CFAP69: variants seen among roughly 807,000 people sequenced by gnomAD.
CFAP69 encodes cilia and flagella associated protein 69.
In CFAP69, 92 loss-of-function variants were observed where a neutral mutation model predicts 123.0. The observed-to-expected ratio is 0.75, with a 90% CI of 0.63 to 0.89. The LOEUF (loss-of-function observed/expected upper bound fraction) is 0.89. CFAP69 is among the 40% of genes least tolerant of loss of function. The probability of loss-of-function intolerance (pLI) is 0.00; values close to 1 mark genes in which losing one functional copy is unlikely to be tolerated. For missense variants in CFAP69, 1,067 were observed against 1,096.9 expected, an observed-to-expected ratio of 0.97 and a Z score of 0.39; for synonymous variants, 380 against 364.3, an observed-to-expected ratio of 1.04 and a Z score of -0.49.
chr7:90,264,233 G>A (rs1303872380), intron 4 of CFAP69, among the ~76,000 whole-genome samples: 1 of 147,740 alleles, frequency 6.8e-6, no homozygotes, highest in East Asian at 2.0e-4. Context: ...GAAATGTCAA[G>A]ATAGTTTATA....
At chr7:90,319,827 A>G in the CFAP69 span, 4 of 397,654 alleles carry the variant, frequency 1.0e-5, no homozygotes, top group African/African-American at 2.1e-5. Context: ...AAAAAACTGT[A>G]AGTACACATA....
Position 90,310,151 on chromosome 7 carries a change from T to TA in CFAP69, c.2745dup (p.Leu916ThrfsTer15). On this transcript the variant is annotated frameshift_variant, in exon 23 of 23. Transcript: ENST00000389297. LOFTEE classifies it high-confidence loss of function. ...CTCTGGTTGATACGGATATTGCTCTTAAAAAACTGCCCATTCGAGGAGGAG... is the reference window on the plus strand; with the variant it reads ...CTCTGGTTGATACGGATATTGCTCTTAAAAAAACTGCCCATTCGAGGAGGAG... The TA allele has an allele frequency of 6.2e-7, 1 of 1,613,840 alleles. No homozygotes were observed. The highest frequency in any genetic ancestry group is 1.1e-5 in the South Asian group (1 of 91,074).
chr7:90,255,361 G>A (rs560749814), intron 1 of CFAP69, 62 bp from the exon 2 acceptor site: 1 of 1,295,022 alleles, frequency 7.7e-7, no homozygotes, highest in South Asian at 1.2e-5. Flanking sequence ...AAATTAGTGT[G>A]TTAGATATGA....
chr7:90,316,801 A>G, the CFAP69 span: 1 of 152,182 alleles, frequency 6.6e-6, no homozygotes. Context: ...CTAGAAAACC[A>G]TTTTGCCATT....
intron 11 of CFAP69, among the ~76,000 whole-genome samples, chr7:90,277,910 A>G (rs1237681892): frequency 3.3e-5 from 5 of 152,014 alleles, no homozygotes. Flanking sequence ...TACCTCGTCT[A>G]TCTGTGGTTC....
chr7:90,323,326 AG>A, the CFAP69 span, among the ~76,000 whole-genome samples: 1 of 152,194 alleles, frequency 6.6e-6, no homozygotes, highest in East Asian at 1.9e-4. Context: ...TCCAGGGAAA[AG>A]GCGGATGGAG....
intron 9 of CFAP69, among the ~76,000 whole-genome samples, chr7:90,275,395 T>C (rs1185772185): frequency 6.6e-6 from 1 of 152,078 alleles, no homozygotes; most frequent in Non-Finnish European, 1.5e-5. Context: ...CAGCCAGATA[T>C]TTGGGAAGAG....
At position 90,292,662 on chromosome 7, in the gene CFAP69, G is replaced by C. The variant is rs138582947; in HGVS notation, c.1775+4310G>C. 2.0e-5 allele frequency among the ~76,000 whole-genome samples: 3 copies of C among 152,228 alleles called. No homozygotes were observed. In the East Asian group the frequency reaches 5.8e-4, roughly 29 times the overall value. ...TCACACGAGCATACTTTACCCAATTGTTAAAAGCTGTAAATAGCTCCAAAG... is the reference window on the plus strand; with the variant it reads ...TCACACGAGCATACTTTACCCAATTCTTAAAAGCTGTAAATAGCTCCAAAG... On this transcript the variant is annotated intron_variant, in intron 15 of 22. Coordinates refer to ENST00000389297, the MANE Select transcript of CFAP69 (RefSeq NM_001039706.3).
intron 14 of CFAP69, among the ~76,000 whole-genome samples, chr7:90,287,987 A>G (rs1790548598): frequency 6.6e-6 from 1 of 152,092 alleles, no homozygotes; most frequent in Admixed American, 6.6e-5. Flanking sequence ...AAAAATATCA[A>G]GGGATATTAT....
chr7:90,264,258 C>A (rs1205319894), intron 4 of CFAP69, among the ~76,000 whole-genome samples: 2 of 149,934 alleles, frequency 1.3e-5, no homozygotes, highest in Admixed American at 6.7e-5. Flanking sequence ...TAAAAAATAA[C>A]TTTTATATTT....
chr7:90,322,806 T>A, the CFAP69 span, among the ~76,000 whole-genome samples: 2 of 152,162 alleles, frequency 1.3e-5, no homozygotes, highest in African/African-American at 2.4e-5. Context: ...TATTTGGGTA[T>A]GATTATTATA....
At chr7:90,278,703 T>A (rs1788976107) in intron 11 of CFAP69, among the ~76,000 whole-genome samples, 1 of 152,118 alleles carries the variant, frequency 6.6e-6, no homozygotes, top group African/African-American at 2.4e-5. Context: ...AAATCAACAA[T>A]TTTTATGTGT....
chr7:90,248,873 C>T (rs1359666206), intron 1 of CFAP69, among the ~76,000 whole-genome samples: 1 of 152,082 alleles, frequency 6.6e-6, no homozygotes, highest in Non-Finnish European at 1.5e-5. Flanking sequence ...GTTTCCTCAT[C>T]TGTAAAAGAT....
At chr7:90,275,726 T>C (rs1385673585) in intron 9 of CFAP69, among the ~76,000 whole-genome samples, 2 of 146,282 alleles carry the variant, frequency 1.4e-5, no homozygotes, top group Non-Finnish European at 1.5e-5. Context: ...CTCAGTCTCC[T>C]GAGTAGCTGG....
intron 1 of CFAP69, among the ~76,000 whole-genome samples, chr7:90,253,815 C>T (rs6959675): frequency 0.11 from 16,067 of 152,088 alleles, 2,310 homozygotes; most frequent in East Asian, 0.61. Context: ...TGTTTTCTTT[C>T]CTGTGGGTAC....
intron 1 of CFAP69, among the ~76,000 whole-genome samples, chr7:90,248,017 T>G (rs1283368602): frequency 6.6e-6 from 1 of 152,224 alleles, no homozygotes; most frequent in Non-Finnish European, 1.5e-5. Flanking sequence ...TAAAGTTATT[T>G]GGGCCTTAAA....
chr7:90,250,227 AG>A (rs1562832579), intron 1 of CFAP69, among the ~76,000 whole-genome samples: 49 of 117,612 alleles, frequency 4.2e-4, no homozygotes, highest in Non-Finnish European at 5.8e-4. Flanking sequence ...AGAGAGAGAG[AG>A]AGAGAGACTC....
At chr7:90,254,451 G>A (rs1464253719) in intron 1 of CFAP69, among the ~76,000 whole-genome samples, 1 of 152,098 alleles carries the variant, frequency 6.6e-6, no homozygotes, top group Non-Finnish European at 1.5e-5. Flanking sequence ...AATATTATAT[G>A]TCAGGCCCAG....
chr7:90,294,738 C>T (rs753139266), intron 15 of CFAP69, among the ~76,000 whole-genome samples: 42 of 152,286 alleles, frequency 2.8e-4, no homozygotes, highest in Middle Eastern at 3.4e-3. Flanking sequence ...CCTAAGGTAC[C>T]CCTCTTTATG....
Sources: gnomAD v4.1 joint callset for allele counts (sites outside exome capture counted in the v4.1 genomes callset) on GRCh38, gnomAD v4.1.1 for gene constraint, MANE v1.5 for transcripts, NCBI Gene and HGNC (gene_info 2026-07-23, HGNC 2026-07-21) for gene names.